Variants in ANO7 observed in about 807,000 individuals in gnomAD.
The protein encoded by ANO7 is anoctamin-7.
A neutral mutation model predicts 115.8 loss-of-function variants in ANO7; 114 were observed. The observed-to-expected ratio is 0.98, with a 90% CI of 0.85 to 1.15. ANO7 has a LOEUF of 1.15. ANO7 is among the 50% of genes most tolerant of loss of function. The pLI, the probability that ANO7 is intolerant of heterozygous loss-of-function variation, is 0.00. For missense variants in ANO7, 1,302 were observed against 1,201.2 expected (o/e 1.08, Z -1.24); for synonymous variants, 550 against 498.2 (o/e 1.10, Z -1.38).
intron 6 of ANO7, among the ~76,000 whole-genome samples, chr2:241,200,722 G>T (rs1363957508): frequency 1.3e-5 from 2 of 152,276 alleles, no homozygotes; most frequent in African/African-American, 4.8e-5. Context: ...TCCAGAAGTG[G>T]CAGGGACCAC....
At chr2:241,221,239 C>A (rs936892551) in intron 21 of ANO7, among the ~76,000 whole-genome samples, 6 of 150,858 alleles carry the variant, frequency 4.0e-5, no homozygotes, top group African/African-American at 1.5e-4. Context: ...CCATGCCCAG[C>A]TAATTTTTGT....
the ANO7 span, chr2:241,239,656 G>A: frequency 1.2e-6 from 2 of 1,614,204 alleles, no homozygotes; most frequent in Non-Finnish European, 1.7e-6. This position sits in a 1 kb window ranked among gnomAD's most constrained non-coding sequence, Gnocchi z 4.6. Context: ...CACAGTCCTT[G>A]GCGCCCTTGA....
chr2:241,212,607 T>C lies in ANO7; in HGVS notation c.1709T>C (p.Phe570Ser), dbSNP rs755124112. 8 of 1,613,332 alleles carry C rather than the reference T, an allele frequency of 5.0e-6. No homozygotes were observed. In the South Asian group the frequency reaches 7.7e-5, roughly 16 times the overall value. Residue 570 changes from phenylalanine (F) to serine (S), a missense_variant, in exon 17 of 25, where the codon TTT (phenylalanine) becomes TCT (serine). Coordinates refer to ENST00000674324, the MANE Select transcript of ANO7 (RefSeq NM_001370694.2). ...VGYPGNYHTL[F>S]GVRNEECAAG... is the part of the protein sequence containing the mutation. ...TACCCAGGCAACTACCACACCTTGT[T>C]TGGAGTCCGCAATGAGGAGGTGAGT... is the stretch of plus-strand genomic sequence containing the variant.
intron 3 of ANO7, among the ~76,000 whole-genome samples, chr2:241,193,062 T>A (rs2068241827): frequency 6.6e-6 from 1 of 151,572 alleles, no homozygotes; most frequent in African/African-American, 2.4e-5. Context: ...GGTTGGTTGG[T>A]TTTTTGTTTT....
intron 9 of ANO7, among the ~76,000 whole-genome samples, chr2:241,204,479 G>A (rs1003552856): frequency 6.6e-6 from 1 of 152,146 alleles, no homozygotes; most frequent in East Asian, 1.9e-4. Context: ...GGTTTCCCTG[G>A]GGCTGGAACA....
chr2:241,201,182 C>G (rs563428108), intron 6 of ANO7, 116 bp from the exon 7 acceptor site: 1 of 1,247,018 alleles, frequency 8.0e-7, no homozygotes, highest in South Asian at 1.9e-5. Context: ...CGCGCCAGCA[C>G]CCGGGCCCCA....
In ANO7 at chr2:241,210,582, G is replaced by A; in HGVS notation, c.1561+12G>A. ...CCTGACACGATGGGGTGAGTGGGCT[G>A]AGGCCGGCCAGGCACTGACCAGGGG... On this transcript the variant is annotated intron_variant, in intron 15 of 24. Transcript: ENST00000674324. 6 of 1,611,862 alleles carry A rather than the reference G, an allele frequency of 3.7e-6. No individual in the cohort carries two copies. The highest frequency in any genetic ancestry group is 5.1e-6 in the Non-Finnish European group (6 of 1,178,780).
rs768220413 is a variant in ANO7 at position 241,218,276 on chromosome 2, G to C, written c.2216G>C (p.Arg739Pro). Residue 739 changes from arginine (R) to proline (P), a missense_variant, in exon 21 of 25, where the codon CGC (arginine) becomes CCC (proline). Coordinates refer to ENST00000674324, the MANE Select transcript of ANO7 (RefSeq NM_001370694.2). The part of the protein sequence containing the change: ...LLAFSSDFLP[R>P]AYYRWTRAHD... The stretch of plus-strand genomic sequence containing the variant: ...GCCTTCTCGTCCGACTTCCTGCCGC[G>C]CGCCTACTACCGGTGGACCCGCGCC... 1.3e-6 allele frequency: 2 copies of C among 1,534,090 alleles called. No homozygotes were observed.
intron 3 of ANO7, 43 bp downstream of exon 3, chr2:241,191,294 G>C (rs757039484): frequency 6.2e-7 from 1 of 1,609,688 alleles, no homozygotes; most frequent in Non-Finnish European, 8.5e-7. Flanking sequence ...TGTTGGTCCT[G>C]AGGGTGGGGA....
chr2:241,203,200 T>A lies in ANO7; in HGVS notation c.724-133T>A. 6.5e-6 allele frequency: 4 copies of A among 615,306 alleles called. No individual in the cohort carries two copies. The highest frequency in any genetic ancestry group is 3.9e-5 in the Admixed American group (1 of 25,560). 38.1% of individuals were successfully genotyped at this position (615,306 alleles called of 1,614,324 possible). A position where few individuals can be genotyped will look rare whatever the true frequency, so the allele number is the denominator to read the frequency against. ...GTACCCACCCCTCCACATTACTCTA[T>A]TTTTTCTTCATGGAGCAATCCCAGA... On this transcript the variant is annotated intron_variant, in intron 8 of 24. Coordinates refer to ENST00000674324, the MANE Select transcript of ANO7 (RefSeq NM_001370694.2). The surrounding 1 kb of genome is among the most constrained non-coding windows in gnomAD (Gnocchi z 4.8).
In ANO7 at chr2:241,217,838, G is replaced by T. The variant is rs752118682; in HGVS notation, c.2125G>T (p.Gly709Cys). 1.7e-5 allele frequency: 27 copies of T among 1,608,504 alleles called. No homozygotes were observed. Among genetic ancestry groups the T allele is most frequent in the East Asian group, 2.2e-5 (1 of 44,730 alleles). The change falls in exon 20 of 25, where the codon GGC (glycine) becomes TGC (cysteine). Residue 709 changes from glycine to cysteine, a missense_variant. Gly to Cys is a radical substitution (Grantham distance 159). Coordinates refer to ENST00000674324, the MANE Select transcript of ANO7 (RefSeq NM_001370694.2). ...GGTGGCCGAGCGCGCCCAGGACATC[G>T]GCATCTGGTTCCACATCCTGGCGGG... ...RPVAERAQDI[G>C]IWFHILAGLT...
intron 17 of ANO7, among the ~76,000 whole-genome samples, chr2:241,214,009 A>G (rs1417327342): frequency 6.6e-6 from 1 of 152,250 alleles, no homozygotes; most frequent in African/African-American, 2.4e-5. Context: ...GTTTTCGGCC[A>G]GGCGTGGTGG....
Position 241,203,197 on chromosome 2 carries a change from C to A in ANO7, c.724-136C>A. Reference sequence around the variant, plus strand: ...CCTGTACCCACCCCTCCACATTACTCTATTTTTTCTTCATGGAGCAATCCC... The same window carrying A: ...CCTGTACCCACCCCTCCACATTACTATATTTTTTCTTCATGGAGCAATCCC... On this transcript the variant is annotated intron_variant, in intron 8 of 24. Coordinates refer to ENST00000674324, the MANE Select transcript of ANO7 (RefSeq NM_001370694.2). This position sits in a 1 kb window ranked among gnomAD's most constrained non-coding sequence, Gnocchi z 4.8. 4.9e-6 allele frequency: 3 copies of A among 610,478 alleles called. No homozygotes were observed. The highest frequency in any genetic ancestry group is 7.7e-5 in the Admixed American group (2 of 25,962). 37.8% of individuals were successfully genotyped at this position (610,478 alleles called of 1,614,324 possible).
downstream of ANO7, chr2:241,229,511 A>G: frequency 5.4e-6 from 5 of 928,758 alleles, no homozygotes; most frequent in Non-Finnish European, 8.4e-6. Flanking sequence ...CAATTTACGG[A>G]GGGTCCAGCC....
intron 4 of ANO7, among the ~76,000 whole-genome samples, chr2:241,196,761 A>T (rs1023187625): frequency 3.3e-5 from 5 of 151,402 alleles, no homozygotes; most frequent in Non-Finnish European, 7.4e-5. Flanking sequence ...GTCTTTGCTT[A>T]TGGATGCCGT....
intron 5 of ANO7, 42 bp downstream of exon 5, chr2:241,199,465 G>C (rs371598020): frequency 6.3e-7 from 1 of 1,589,824 alleles, no homozygotes; most frequent in Non-Finnish European, 8.6e-7. Flanking sequence ...TGGAGGTCCC[G>C]GTCCCCACAC....
the ANO7 span, chr2:241,236,136 T>C: frequency 5.0e-6 from 1 of 198,764 alleles, no homozygotes; most frequent in Non-Finnish European, 1.0e-5. Flanking sequence ...ATATCTGCGT[T>C]GACTGCTTGT....
At chr2:241,204,554 G>T (rs975898402) in intron 9 of ANO7, among the ~76,000 whole-genome samples, 1 of 152,160 alleles carries the variant, frequency 6.6e-6, no homozygotes, top group African/African-American at 2.4e-5. Context: ...TCCCGGGCAG[G>T]TTGGTTGGAG....
At chr2:241,209,207 C>T (rs2068661378) in intron 11 of ANO7, 78 bp from the exon 12 acceptor site, 1 of 1,463,346 alleles carries the variant, frequency 6.8e-7, no homozygotes, top group Non-Finnish European at 9.1e-7. Context: ...CACTCCCATT[C>T]CAGGAGGAAG....
Sources: gnomAD v4.1 joint callset for allele counts (sites outside exome capture counted in the v4.1 genomes callset) on GRCh38, gnomAD v4.1.1 for gene constraint, Gnocchi (gnomAD v3.1) non-coding constraint, MANE v1.5 for transcripts, NCBI Gene and HGNC (gene_info 2026-07-23, HGNC 2026-07-21) for gene names.